GABRB3: variants seen among roughly 807,000 people sequenced by gnomAD.
GABRB3 encodes gamma-aminobutyric acid type A receptor subunit beta3, also known as gamma-aminobutyric acid receptor subunit beta-3.
A neutral mutation model predicts 52.1 loss-of-function variants in GABRB3; 14 were observed. The observed-to-expected ratio is 0.27, with a 90% CI of 0.18 to 0.42. GABRB3 has a LOEUF of 0.42. Among genes scored for constraint, GABRB3 ranks in the 10% least tolerant of loss-of-function variants. The pLI is 1.00. For synonymous variants in GABRB3, 260 were observed against 232.3 expected, an observed-to-expected ratio of 1.12 and a Z score of -1.08; for missense variants, 307 against 609.1, an observed-to-expected ratio of 0.50 and a Z score of 5.22.
intron 3 of GABRB3, among the ~76,000 whole-genome samples, chr15:26,724,950 T>A (rs757983831): frequency 6.6e-6 from 1 of 152,244 alleles, no homozygotes; most frequent in Non-Finnish European, 1.5e-5. Context: ...CTTTCCAAAT[T>A]TATGACCCTT....
chr15:26,741,350 A>T (rs1890202531), intron 3 of GABRB3, among the ~76,000 whole-genome samples: 1 of 152,160 alleles, frequency 6.6e-6, no homozygotes, highest in Non-Finnish European at 1.5e-5. Context: ...CCAGACACTG[A>T]CAGACGAGAC....
At chr15:26,633,622 G>A (rs1048531614) in intron 3 of GABRB3, among the ~76,000 whole-genome samples, 11 of 152,144 alleles carry the variant, frequency 7.2e-5, no homozygotes, top group Admixed American at 6.6e-4. Context: ...ATCCAAGAAT[G>A]CAATTAACTG....
chr15:26,748,852 C>A (rs1198839365), intron 3 of GABRB3, among the ~76,000 whole-genome samples: 1 of 151,888 alleles, frequency 6.6e-6, no homozygotes, highest in Non-Finnish European at 1.5e-5. Flanking sequence ...GTGGTGAAAC[C>A]CGGTCTCTGC....
chr15:26,567,461 C>T (rs1359961791), intron 7 of GABRB3, 120 bp downstream of exon 7: 2 of 885,580 alleles, frequency 2.3e-6, no homozygotes, highest in East Asian at 5.2e-5. Flanking sequence ...AGTGACTATA[C>T]AGGCAATGCT....
chr15:26,710,518 T>C (rs1182463237), intron 3 of GABRB3, among the ~76,000 whole-genome samples: 1 of 152,204 alleles, frequency 6.6e-6, no homozygotes, highest in African/African-American at 2.4e-5. Flanking sequence ...CACCTTGGCC[T>C]CCCAAAGTGC....
intron 4 of GABRB3, among the ~76,000 whole-genome samples, chr15:26,597,555 G>A (rs1388813008): frequency 6.6e-6 from 1 of 152,182 alleles, no homozygotes; most frequent in East Asian, 1.9e-4. Context: ...TGAAATGGAG[G>A]TCCTGGATTT....
intron 3 of GABRB3, among the ~76,000 whole-genome samples, chr15:26,628,656 C>T (rs1892801772): frequency 1.3e-5 from 2 of 151,410 alleles, no homozygotes; most frequent in African/African-American, 2.4e-5. Context: ...TCAACTGACC[C>T]TACACAGCTA....
intron 3 of GABRB3, among the ~76,000 whole-genome samples, chr15:26,737,341 G>A (rs1021927239): frequency 4.6e-5 from 7 of 152,198 alleles, no homozygotes; most frequent in Non-Finnish European, 8.8e-5. Context: ...AATCAGGTGC[G>A]TTTTGTTTCT....
In GABRB3 at chr15:26,564,664, T is replaced by C. The variant is rs1668422371; in HGVS notation, c.835+2917A>G. On this transcript the variant is annotated intron_variant, in intron 7 of 8. Coordinates refer to ENST00000311550, the MANE Select transcript of GABRB3 (RefSeq NM_000814.6). ...CTGTAAGCATTTCAAAGCTGTGCTA[T>C]AAGACTAGGTGCTTGGGAAGGGGTG... Among the ~76,000 whole-genome samples, 3 of 152,332 alleles carry C rather than the reference T, an allele frequency of 2.0e-5. No individual in the cohort carries two copies. In the South Asian group the frequency reaches 6.2e-4, roughly 32 times the overall value.
At chr15:26,733,571 G>A (rs2140153061) in intron 3 of GABRB3, among the ~76,000 whole-genome samples, 1 of 152,258 alleles carries the variant, frequency 6.6e-6, no homozygotes, top group Non-Finnish European at 1.5e-5. Context: ...ATACTACAAA[G>A]TGATCTACAG....
At chr15:26,707,770 A>T (rs780394154) in intron 3 of GABRB3, among the ~76,000 whole-genome samples, 32 of 152,142 alleles carry the variant, frequency 2.1e-4, no homozygotes, top group Non-Finnish European at 3.2e-4. Flanking sequence ...TAGGCCTTTT[A>T]AACATGAGGT....
chr15:26,750,976 A>T (rs1417178742), intron 3 of GABRB3, among the ~76,000 whole-genome samples: 1 of 152,210 alleles, frequency 6.6e-6, no homozygotes, highest in East Asian at 1.9e-4. Flanking sequence ...TCAAGTAACA[A>T]GTCAGTATTT....
intron 3 of GABRB3, among the ~76,000 whole-genome samples, chr15:26,655,382 C>G (rs911073330): frequency 1.4e-4 from 22 of 152,144 alleles, no homozygotes; most frequent in Non-Finnish European, 2.6e-4. Flanking sequence ...CAAGTTTCCA[C>G]ATTATTATTT....
intron 3 of GABRB3, among the ~76,000 whole-genome samples, chr15:26,758,408 A>G (rs2140180083): frequency 6.6e-6 from 1 of 152,312 alleles, no homozygotes; most frequent in Admixed American, 6.5e-5. Flanking sequence ...ATTTTCCTTA[A>G]TTATTTTAGA....
chr15:26,742,852 T>C (rs1441659709), intron 3 of GABRB3, among the ~76,000 whole-genome samples: 1 of 152,162 alleles, frequency 6.6e-6, no homozygotes, highest in Non-Finnish European at 1.5e-5. Context: ...TGGAATTTTA[T>C]CTTACATGTT....
At chr15:26,730,153 TTA>T (rs1198270492) in intron 3 of GABRB3, among the ~76,000 whole-genome samples, 10 of 152,310 alleles carry the variant, frequency 6.6e-5, no homozygotes, top group Non-Finnish European at 1.3e-4. Flanking sequence ...ATATTTGTTC[TTA>T]CAGTCCAAGT....
chr15:26,718,075 T>C (rs1384789882), intron 3 of GABRB3, among the ~76,000 whole-genome samples: 1 of 152,242 alleles, frequency 6.6e-6, no homozygotes, highest in Non-Finnish European at 1.5e-5. Flanking sequence ...CAGCACTGTT[T>C]AGTGTTCTTT....
intron 3 of GABRB3, among the ~76,000 whole-genome samples, chr15:26,672,391 C>T (rs1887925881): frequency 6.6e-6 from 1 of 152,154 alleles, no homozygotes; most frequent in South Asian, 2.1e-4. Context: ...CCCATCTGTC[C>T]TCCTAAGACC....
intron 7 of GABRB3, among the ~76,000 whole-genome samples, chr15:26,565,729 C>A (rs1444432558): frequency 1.3e-5 from 2 of 152,086 alleles, no homozygotes; most frequent in Admixed American, 6.5e-5. Context: ...TTCAGATATG[C>A]ACATTTTCAG....
Sources: allele counts gnomAD v4.1 joint callset (sites outside exome capture counted in the v4.1 genomes callset), GRCh38; gene constraint gnomAD v4.1.1; transcripts MANE v1.5; gene names NCBI Gene and HGNC (gene_info 2026-07-23, HGNC 2026-07-21).